DGKB: variants seen among roughly 807,000 people sequenced by gnomAD.
The protein encoded by DGKB is 90 kDa diacylglycerol kinase.
DGKB carries 67 observed loss-of-function variants against 114.3 expected under a neutral mutation model. The observed-to-expected ratio is 0.59, with a 90% confidence interval of 0.48 to 0.72. DGKB has a LOEUF of 0.72. DGKB is among the 30% of genes least tolerant of loss of function. The probability of loss-of-function intolerance (pLI) is 0.00; values close to 1 mark genes in which losing one functional copy is unlikely to be tolerated. For synonymous variants in DGKB, 398 were observed against 323.1 expected (o/e 1.23, Z -2.49); for missense variants, 907 against 975.2 (o/e 0.93, Z 0.93).
chr7:14,371,914 A>G lies in DGKB; in HGVS notation c.1836-26523T>C, dbSNP rs1817716363. On this transcript the variant is annotated intron_variant, in intron 21 of 25. Transcript: ENST00000402815. ...ACTTCACTCCAGAGCAGGCATGCCA[A>G]TCTCTGGCATGAGACTAAAATGCCT... Among the ~76,000 whole-genome samples the G allele has an allele frequency of 2.0e-5, 3 of 152,146 alleles. No individual in the cohort carries two copies. In the South Asian group the frequency reaches 6.2e-4, roughly 32 times the overall value.
chr7:14,949,657 C>A (rs1786067937), intron 1 of DGKB, among the ~76,000 whole-genome samples: 1 of 151,738 alleles, frequency 6.6e-6, no homozygotes, highest in African/African-American at 2.4e-5. Context: ...TTAAGAGGTA[C>A]AACAAACTCC....
At chr7:14,379,223 C>T (rs1030704279) in intron 21 of DGKB, among the ~76,000 whole-genome samples, 15 of 151,990 alleles carry the variant, frequency 9.9e-5, no homozygotes, top group African/African-American at 2.9e-4. Flanking sequence ...CTGAATTCAG[C>T]GAGTGTTTGT....
At chr7:14,203,094 G>A (rs535719110) in intron 23 of DGKB, among the ~76,000 whole-genome samples, 2 of 130,882 alleles carry the variant, frequency 1.5e-5, no homozygotes, top group East Asian at 2.4e-4. Context: ...TGTGTGCAAC[G>A]TGAAAAAAAA....
intron 21 of DGKB, among the ~76,000 whole-genome samples, chr7:14,359,804 T>C (rs1000085774): frequency 2.0e-5 from 3 of 152,034 alleles, no homozygotes; most frequent in African/African-American, 7.2e-5. Context: ...CATTAAAAAG[T>C]CAGGAAACAA....
chr7:14,305,769 T>G (rs1188444834), intron 23 of DGKB, among the ~76,000 whole-genome samples: 2 of 152,180 alleles, frequency 1.3e-5, no homozygotes, highest in Non-Finnish European at 1.5e-5. Context: ...CTCTTTAGCT[T>G]TCTCATTTTA....
intron 12 of DGKB, among the ~76,000 whole-genome samples, chr7:14,677,493 A>C (rs574081729): frequency 3.9e-5 from 6 of 152,126 alleles, no homozygotes; most frequent in Admixed American, 3.9e-4. Context: ...TTAGGAATTT[A>C]GTATCTTAAT....
At chr7:14,435,190 A>G (rs1460913510) in intron 21 of DGKB, among the ~76,000 whole-genome samples, 1 of 152,268 alleles carries the variant, frequency 6.6e-6, no homozygotes, top group East Asian at 1.9e-4. Flanking sequence ...TCCAGAAATA[A>G]GCATTGCTCT....
chr7:14,764,294 A>G (rs1388668537), intron 2 of DGKB, among the ~76,000 whole-genome samples: 1 of 152,006 alleles, frequency 6.6e-6, no homozygotes, highest in Admixed American at 6.6e-5. Flanking sequence ...TAATTAATTT[A>G]TATAATTTAA....
intron 5 of DGKB, among the ~76,000 whole-genome samples, chr7:14,720,710 C>T (rs1206478053): frequency 6.6e-6 from 1 of 152,064 alleles, no homozygotes; most frequent in Admixed American, 6.6e-5. Flanking sequence ...AATTCTACTT[C>T]TGTTTATAAA....
chr7:14,883,904 C>T (rs1478080702), intron 1 of DGKB, among the ~76,000 whole-genome samples: 1 of 151,920 alleles, frequency 6.6e-6, no homozygotes, highest in Non-Finnish European at 1.5e-5. Flanking sequence ...TAGAATAAGA[C>T]CACCAATTAA....
chr7:14,790,122 A>T (rs1200649568), intron 2 of DGKB, among the ~76,000 whole-genome samples: 1 of 152,040 alleles, frequency 6.6e-6, no homozygotes, highest in Non-Finnish European at 1.5e-5. Context: ...CCTTTGGCTC[A>T]TTTTCTAATT....
chr7:14,170,973 G>C (rs1204932606), intron 25 of DGKB, among the ~76,000 whole-genome samples: 1 of 152,098 alleles, frequency 6.6e-6, no homozygotes, highest in Admixed American at 6.5e-5. Context: ...TCATGGAATG[G>C]GTCACACAGT....
intron 20 of DGKB, among the ~76,000 whole-genome samples, chr7:14,503,571 TA>T (rs1563341349): frequency 6.6e-6 from 1 of 152,174 alleles, no homozygotes; most frequent in Admixed American, 6.6e-5. Context: ...GAAGTGGTTT[TA>T]AAAAATTGTA....
chr7:14,748,685 A>G (rs1197100750), intron 4 of DGKB, among the ~76,000 whole-genome samples: 1 of 152,186 alleles, frequency 6.6e-6, no homozygotes, highest in Non-Finnish European at 1.5e-5. Flanking sequence ...ATGTGGAGTG[A>G]GTTTTTAGTA....
chr7:14,491,260 C>A (rs1448812033), intron 20 of DGKB, among the ~76,000 whole-genome samples: 1 of 151,958 alleles, frequency 6.6e-6, no homozygotes, highest in South Asian at 2.1e-4. Flanking sequence ...GTGAATAAAT[C>A]TCATGAGATC....
intron 20 of DGKB, among the ~76,000 whole-genome samples, chr7:14,547,851 A>G (rs1028999232): frequency 1.3e-5 from 2 of 152,188 alleles, no homozygotes; most frequent in Admixed American, 6.5e-5. Flanking sequence ...AAAATCATTC[A>G]TGTCAGACAG....
At chr7:14,509,326 G>A (rs2195752) in intron 20 of DGKB, among the ~76,000 whole-genome samples, 11,748 of 152,036 alleles carry the variant, frequency 0.077, 885 homozygotes, top group African/African-American at 0.2. Context: ...GGCCTCTGAA[G>A]AGAAAAGTCT....
chr7:14,251,933 G>A (rs193140322), intron 23 of DGKB, among the ~76,000 whole-genome samples: 326 of 152,128 alleles, frequency 2.1e-3, no homozygotes, highest in Admixed American at 4.2e-3. Flanking sequence ...ACAATTAATT[G>A]TCTTTGACTT....
rs558547512 is a variant in DGKB at position 14,486,450 on chromosome 7, G to C, written c.1771-8225C>G. On this transcript the variant is annotated intron_variant, in intron 20 of 25. Coordinates refer to ENST00000402815, the MANE Select transcript of DGKB (RefSeq NM_001350709.2). ...TGTGAGGAGCTAGTTACCAGACCCA[G>C]AGGGAAAGAGTTATATAGAGAAAAC... Among the ~76,000 whole-genome samples, 7 of 152,324 alleles carry C rather than the reference G, an allele frequency of 4.6e-5. No individual in the cohort carries two copies. In the East Asian group the frequency reaches 1.4e-3, roughly 29 times the overall value.
Sources: gnomAD v4.1 joint callset for allele counts (sites outside exome capture counted in the v4.1 genomes callset) on GRCh38, gnomAD v4.1.1 for gene constraint, MANE v1.5 for transcripts, NCBI Gene and HGNC (gene_info 2026-07-23, HGNC 2026-07-21) for gene names.